Variants in USP33 observed in about 807,000 individuals in gnomAD.
USP33 encodes ubiquitin specific peptidase 33.
Under a neutral mutation model 124.2 loss-of-function variants are expected in USP33, and 46 were observed. The observed-to-expected ratio is 0.37, with a 90% CI of 0.29 to 0.47. The LOEUF (loss-of-function observed/expected upper bound fraction) is 0.47. USP33 is among the 20% of genes least tolerant of loss of function. USP33 has a pLI of 0.99. For synonymous variants in USP33, 350 were observed against 352.3 expected (o/e 0.99, Z 0.07); for missense variants, 851 against 1,070.6 (o/e 0.79, Z 2.86).
At chr1:77,730,833 A>C (rs1222590832) in intron 7 of USP33, 102 bp from the exon 8 acceptor site, 9 of 706,168 alleles carry the variant, frequency 1.3e-5, no homozygotes, top group Admixed American at 6.8e-5. Context: ...TTTAGCCGTT[A>C]TTTCTTTCTT....
chr1:77,722,248 T>C (rs749060792), intron 12 of USP33, 52 bp from the exon 13 acceptor site: 1 of 1,471,174 alleles, frequency 6.8e-7, no homozygotes, highest in East Asian at 2.4e-5. Flanking sequence ...CAGTAAAACA[T>C]TTCCAAGGTT....
Position 77,697,194 on chromosome 1 carries a change from T to C in USP33, c.*123A>G, listed in dbSNP as rs2101138476. 2 of 935,514 alleles carry C rather than the reference T, an allele frequency of 2.1e-6. No homozygotes were observed. Among genetic ancestry groups the C allele is most frequent in the Non-Finnish European group, 3.1e-6 (2 of 643,168 alleles). The allele number at this position is 935,514 out of a possible 1,614,324, so 58.0% of individuals were successfully genotyped here. A position where few individuals can be genotyped will look rare whatever the true frequency, so the allele number is the denominator to read the frequency against. On this transcript the variant is annotated 3_prime_UTR_variant, in exon 24 of 24. Coordinates refer to ENST00000370794, the MANE Select transcript of USP33 (RefSeq NM_201624.3). ...TTCCATAATGCCCACTAAGAAGAAA[T>C]AAATGGGATAAATGATGAAAAAAAA... is the stretch of plus-strand genomic sequence containing the variant.
At chr1:77,710,999 G>A (rs1175861256) in intron 21 of USP33, among the ~76,000 whole-genome samples, 2 of 151,974 alleles carry the variant, frequency 1.3e-5, no homozygotes, top group Non-Finnish European at 2.9e-5. Context: ...ACAATTAAGG[G>A]ACACCTCATA....
chr1:77,729,902 TC>T lies in USP33; in HGVS notation c.674del (p.Gly225GlufsTer5). 6.2e-7 allele frequency: 1 copy of T among 1,613,880 alleles called. No individual in the cohort carries two copies. The highest frequency in any genetic ancestry group is 8.5e-7 in the Non-Finnish European group (1 of 1,179,898). ...GSVVPTTLFQGIKTVNPTFRG... is the reference protein window; with the variant it reads ...GSVVPTTLFQXIKTVNPTFRG... ...GAAATGTTGGATTTACAGTTTTAAT[TC>T]CTTGAAACAGAGTAGTAGGCACAAC... is the stretch of plus-strand genomic sequence containing the variant. On this transcript the variant is annotated frameshift_variant, in exon 9 of 24. Transcript: ENST00000370794. LOFTEE classifies it high-confidence loss of function.
intron 14 of USP33, 180 bp downstream of exon 14, chr1:77,721,651 G>C: frequency 1.8e-6 from 1 of 567,840 alleles, no homozygotes; most frequent in Non-Finnish European, 3.1e-6. Context: ...AATTCCTTCA[G>C]GATGTGATTT....
At chr1:77,743,352 T>C (rs995526308) in intron 1 of USP33, among the ~76,000 whole-genome samples, 1 of 152,222 alleles carries the variant, frequency 6.6e-6, no homozygotes, top group African/African-American at 2.4e-5. Flanking sequence ...GTGCACAATG[T>C]GCAGGTTTGT....
chr1:77,719,900 G>A (rs1301971561), intron 15 of USP33, among the ~76,000 whole-genome samples: 2 of 149,024 alleles, frequency 1.3e-5, no homozygotes, highest in Non-Finnish European at 1.5e-5. Context: ...AGTGGCTCAC[G>A]CTTGTAATCT....
In USP33 at chr1:77,697,303, C is replaced by T. The variant is rs1490509630; in HGVS notation, c.*14G>A. On this transcript the variant is annotated 3_prime_UTR_variant, in exon 24 of 24. Coordinates refer to ENST00000370794, the MANE Select transcript of USP33 (RefSeq NM_201624.3). ...GAAAATGATTCCTCATTAGAACTCTCTACATCCTAAAAATTACAAAGACCG... is the reference window on the plus strand; with the variant it reads ...GAAAATGATTCCTCATTAGAACTCTTTACATCCTAAAAATTACAAAGACCG... 6.3e-7 allele frequency: 1 copy of T among 1,588,860 alleles called. No individual in the cohort carries two copies. Among genetic ancestry groups the T allele is most frequent in the African/African-American group, 1.4e-5 (1 of 73,732 alleles).
chr1:77,711,351 A>C (rs1162485841), intron 21 of USP33, among the ~76,000 whole-genome samples: 1 of 152,170 alleles, frequency 6.6e-6, no homozygotes. Flanking sequence ...ACATGGCAAA[A>C]CCCTGTCTCT....
intron 4 of USP33, among the ~76,000 whole-genome samples, chr1:77,739,719 A>G (rs1044123318): frequency 6.6e-6 from 1 of 152,266 alleles, no homozygotes; most frequent in Admixed American, 6.5e-5. Flanking sequence ...ATAACACAAG[A>G]AAATAATTAA....
chr1:77,727,994 A>G (rs570282363), intron 10 of USP33, among the ~76,000 whole-genome samples: 1 of 152,358 alleles, frequency 6.6e-6, no homozygotes, highest in Admixed American at 6.5e-5. Flanking sequence ...GGATCGCAAC[A>G]TAATTTGCTT....
intron 21 of USP33, among the ~76,000 whole-genome samples, chr1:77,705,200 T>A (rs1254392379): frequency 1.3e-5 from 2 of 151,868 alleles, no homozygotes; most frequent in South Asian, 2.1e-4. Flanking sequence ...TTTTATTTTT[T>A]ATTTTTTTTT....
intron 1 of USP33, among the ~76,000 whole-genome samples, chr1:77,743,328 G>C (rs1435296619): frequency 6.6e-6 from 1 of 152,074 alleles, no homozygotes; most frequent in African/African-American, 2.4e-5. Context: ...TATACTTTAA[G>C]TTCTAGGGTA....
At chr1:77,745,534 T>C (rs1679654565) in intron 1 of USP33, 1 of 152,222 alleles carries the variant, frequency 6.6e-6, no homozygotes, top group Non-Finnish European at 1.5e-5. Flanking sequence ...CTTTACAATT[T>C]GGCATGTTTT....
chr1:77,748,015 C>T lies in USP33; in HGVS notation c.-51-6267G>A, dbSNP rs186284185. On this transcript the variant is annotated intron_variant, in intron 1 of 23. Transcript: ENST00000370794. ...GAGGCTAGATACAATATTTTGGTAA[C>T]AAAAGACACACCTCCTCACTAATCC... 2.7e-4 allele frequency among the ~76,000 whole-genome samples: 41 copies of T among 152,314 alleles called. 1 individual carries two copies. The East Asian group carries it at 3.5e-3, about 13-fold the overall frequency.
At chr1:77,754,831 A>G (rs1680655057) in intron 1 of USP33, among the ~76,000 whole-genome samples, 1 of 152,214 alleles carries the variant, frequency 6.6e-6, no homozygotes, top group Admixed American at 6.5e-5. Flanking sequence ...TATTCTTAAC[A>G]TTACCACTAT....
At chr1:77,720,788 CA>C (rs1676481261) in intron 15 of USP33, among the ~76,000 whole-genome samples, 1 of 152,188 alleles carries the variant, frequency 6.6e-6, no homozygotes, top group South Asian at 2.1e-4. Context: ...CCATTGTTAA[CA>C]GCAGATAACA....
chr1:77,719,656 C>A (rs928982117), intron 15 of USP33, among the ~76,000 whole-genome samples: 7 of 151,860 alleles, frequency 4.6e-5, no homozygotes, highest in African/African-American at 1.7e-4. Flanking sequence ...AGTTTAAGAC[C>A]AGCCTGACCA....
intron 22 of USP33, among the ~76,000 whole-genome samples, chr1:77,699,285 C>A (rs1475128455): frequency 6.6e-6 from 1 of 152,144 alleles, no homozygotes; most frequent in Non-Finnish European, 1.5e-5. Flanking sequence ...CTTTGGGAGG[C>A]CGAGGCAGGT....
Sources: allele counts gnomAD v4.1 joint callset (sites outside exome capture counted in the v4.1 genomes callset), GRCh38; gene constraint gnomAD v4.1.1; transcripts MANE v1.5; gene names NCBI Gene and HGNC (gene_info 2026-07-23, HGNC 2026-07-21).